The following EYS variants were observed in gnomAD, a reference collection of about 807,000 sequenced individuals.
The protein encoded by EYS is EGF-like photoreceptor maintenance factor.
In EYS, 250 loss-of-function variants were observed where a neutral mutation model predicts 282.1. That is an observed-to-expected ratio of 0.89 (90% CI 0.80 to 0.98). EYS has a LOEUF of 0.98. Ranked by LOEUF, EYS falls within the 50% of genes least tolerant of loss-of-function variation. The pLI, the probability that EYS is intolerant of heterozygous loss-of-function variation, is 0.00. For missense variants in EYS, 4,016 were observed against 3,709.0 expected, an observed-to-expected ratio of 1.08 and a Z score of -2.15; for synonymous variants, 1,355 against 1,282.9, an observed-to-expected ratio of 1.06 and a Z score of -1.20.
chr6:65,165,185 C>G lies in EYS; in HGVS notation c.2024-107458G>C, dbSNP rs150172993. Among the ~76,000 whole-genome samples the G allele has an allele frequency of 3.2e-3, 480 of 151,260 alleles. 3 individuals are homozygous for G. The highest frequency in any genetic ancestry group is 0.011 in the African/African-American group (446 of 41,396). On this transcript the variant is annotated intron_variant, in intron 12 of 42. Transcript: ENST00000503581. ...GTCAAAATACCATAACTCCATTAAG[C>G]TAACTCTTGACAAATGATGTTTTTG...
intron 14 of EYS, among the ~76,000 whole-genome samples, chr6:64,968,977 T>C (rs1450910127): frequency 6.6e-6 from 1 of 152,232 alleles, no homozygotes; most frequent in Non-Finnish European, 1.5e-5. Context: ...AAGCACTTTC[T>C]GTGGGATTGC....
At chr6:65,077,240 G>C (rs540905871) in intron 12 of EYS, among the ~76,000 whole-genome samples, 11 of 152,060 alleles carry the variant, frequency 7.2e-5, no homozygotes, top group Admixed American at 6.6e-4. Context: ...GTGTGGTTGT[G>C]GCCTCTGCAG....
intron 26 of EYS, among the ~76,000 whole-genome samples, chr6:64,560,994 G>A (rs1047057343): frequency 9.9e-5 from 15 of 152,262 alleles, no homozygotes; most frequent in African/African-American, 3.6e-4. Context: ...AATTCAACAT[G>A]ATCAAGCAGG....
chr6:64,018,270 G>C (rs959098070), intron 33 of EYS, among the ~76,000 whole-genome samples: 2 of 152,152 alleles, frequency 1.3e-5, no homozygotes, highest in African/African-American at 4.8e-5. Flanking sequence ...AGTAGATAAA[G>C]AAATAGTTGT....
chr6:65,343,195 A>G (rs1333753146), intron 10 of EYS, among the ~76,000 whole-genome samples: 1 of 151,266 alleles, frequency 6.6e-6, no homozygotes, highest in Admixed American at 6.6e-5. Context: ...ATGAATTTGA[A>G]GGAAATAGTG....
At chr6:63,824,257 C>T (rs904790683) in intron 36 of EYS, among the ~76,000 whole-genome samples, 2 of 152,012 alleles carry the variant, frequency 1.3e-5, no homozygotes, top group Non-Finnish European at 1.5e-5. Flanking sequence ...ATGCCAATTC[C>T]CACTAAGTGA....
intron 12 of EYS, among the ~76,000 whole-genome samples, chr6:65,071,695 A>G (rs1192675889): frequency 4.0e-5 from 6 of 151,800 alleles, no homozygotes; most frequent in African/African-American, 1.4e-4. Flanking sequence ...ATGGGCCTGA[A>G]GACAAGATAA....
At chr6:64,598,187 G>C (rs1007505386) in intron 24 of EYS, among the ~76,000 whole-genome samples, 1 of 152,184 alleles carries the variant, frequency 6.6e-6, no homozygotes, top group Non-Finnish European at 1.5e-5. Flanking sequence ...GGGGCCAGGC[G>C]TGGTGGCTCA....
chr6:64,950,253 A>T lies in EYS; in HGVS notation c.2260-4339T>A, dbSNP rs73767195. The stretch of plus-strand genomic sequence containing the variant: ...TAGACATTTAAAAATATACCAAAGG[A>T]GGGAGATTTGCTAACATAGACTCAA... On this transcript the variant is annotated intron_variant, in intron 14 of 42. Coordinates refer to ENST00000503581, the MANE Select transcript of EYS (RefSeq NM_001142800.2). 5.9e-3 allele frequency among the ~76,000 whole-genome samples: 902 copies of T among 152,072 alleles called. 11 individuals carry two copies. The highest frequency in any genetic ancestry group is 0.021 in the African/African-American group (860 of 41,558).
intron 16 of EYS, among the ~76,000 whole-genome samples, chr6:64,904,835 T>C (rs1330260025): frequency 6.6e-6 from 1 of 152,132 alleles, no homozygotes; most frequent in Non-Finnish European, 1.5e-5. Context: ...GTCATATTTA[T>C]TAAGTTTGAC....
intron 29 of EYS, among the ~76,000 whole-genome samples, chr6:64,355,149 TA>T (rs1157366131): frequency 2.0e-5 from 3 of 151,462 alleles, no homozygotes; most frequent in Non-Finnish European, 3.0e-5. Flanking sequence ...AATACAGAAT[TA>T]AAAAAAATTG....
intron 14 of EYS, among the ~76,000 whole-genome samples, chr6:64,968,287 TACTCA>T (rs1227900891): frequency 6.6e-6 from 1 of 152,200 alleles, no homozygotes; most frequent in Non-Finnish European, 1.5e-5. Flanking sequence ...AGTTTAAAAT[TACTCA>T]GTGATGCAGT....
intron 26 of EYS, among the ~76,000 whole-genome samples, chr6:64,441,665 G>C (rs1397437775): frequency 6.6e-6 from 1 of 152,144 alleles, no homozygotes; most frequent in East Asian, 1.9e-4. Context: ...AGTGGGATAT[G>C]ACTGAATGTT....
At chr6:65,404,891 TAAAGTA>T (rs879298889) in intron 6 of EYS, among the ~76,000 whole-genome samples, 46 of 151,870 alleles carry the variant, frequency 3.0e-4, no homozygotes, top group Admixed American at 4.6e-4. Flanking sequence ...ATTGAAAAGT[TAAAGTA>T]AAACAATATT....
intron 13 of EYS, among the ~76,000 whole-genome samples, chr6:65,010,807 A>T (rs1024871563): frequency 5.9e-5 from 9 of 152,242 alleles, no homozygotes; most frequent in Non-Finnish European, 1.2e-4. Context: ...TATGGAGAGA[A>T]AGGGAATTCC....
At chr6:64,103,245 A>AAATGTTAT (rs1412789274) in intron 31 of EYS, among the ~76,000 whole-genome samples, 8 of 152,208 alleles carry the variant, frequency 5.3e-5, no homozygotes, top group African/African-American at 1.7e-4. Flanking sequence ...AGCAAAAGAA[A>AAATGTTAT]AATGTTATAA....
intron 2 of EYS, among the ~76,000 whole-genome samples, chr6:65,558,061 C>A (rs7767609): frequency 1.3e-5 from 2 of 152,114 alleles, no homozygotes; most frequent in African/African-American, 4.8e-5. Context: ...GGCATCCGAG[C>A]CCCCAGGCTT....
In EYS at chr6:63,837,516, C is replaced by T. The variant is rs1040103669; in HGVS notation, c.7228+26670G>A. Reference sequence around the variant, plus strand: ...AATTCATAAGTGATTGCAATTTAACCAAATGGTACTCTAACCTTCTAATTA... The same window carrying T: ...AATTCATAAGTGATTGCAATTTAACTAAATGGTACTCTAACCTTCTAATTA... On this transcript the variant is annotated intron_variant, in intron 36 of 42. Transcript: ENST00000503581. Among the ~76,000 whole-genome samples the T allele has an allele frequency of 2.0e-5, 3 of 152,072 alleles. No homozygotes were observed. The East Asian group carries it at 5.8e-4, about 29-fold the overall frequency.
At chr6:65,506,203 C>T (rs147602529) in intron 2 of EYS, among the ~76,000 whole-genome samples, 1 of 152,066 alleles carries the variant, frequency 6.6e-6, no homozygotes, top group Non-Finnish European at 1.5e-5. Context: ...CTCTTTTAAC[C>T]TACCTGAGTC....
Sources: allele counts gnomAD v4.1 joint callset (sites outside exome capture counted in the v4.1 genomes callset), GRCh38; gene constraint gnomAD v4.1.1; transcripts MANE v1.5; gene names NCBI Gene and HGNC (gene_info 2026-07-23, HGNC 2026-07-21).